PRAG1: variants seen among roughly 807,000 people sequenced by gnomAD.
PRAG1 encodes the protein inactive tyrosine-protein kinase PRAG1.
A neutral mutation model predicts 95.6 loss-of-function variants in PRAG1; 110 were observed. The observed-to-expected ratio is 1.15, with a 90% CI of 0.99 to 1.35. PRAG1 has a LOEUF of 1.35. Ranked by LOEUF, PRAG1 falls within the 40% of genes most tolerant of loss-of-function variation. The probability of loss-of-function intolerance (pLI) is 0.00; values close to 1 mark genes in which losing one functional copy is unlikely to be tolerated. For missense variants in PRAG1, 2,554 were observed against 1,864.7 expected, an observed-to-expected ratio of 1.37 and a Z score of -6.81; for synonymous variants, 1,052 against 819.4, an observed-to-expected ratio of 1.28 and a Z score of -4.85.
Position 8,328,109 on chromosome 8 carries a change from G to T in PRAG1, c.2673C>A (p.His891Gln), listed in dbSNP as rs771973266. 3.1e-6 allele frequency: 5 copies of T among 1,612,880 alleles called. No homozygotes were observed. The South Asian group carries it at 5.5e-5, about 18-fold the overall frequency. Residue 891 changes from histidine (H) to glutamine (Q), a missense_variant, in exon 5 of 6, where the codon CAC becomes CAA. Coordinates refer to ENST00000615670, the MANE Select transcript of PRAG1 (RefSeq NM_001080826.3). ...PLEKAFKGSG[H>Q]WLPAAGLAGN... The stretch of plus-strand genomic sequence containing the variant: ...CCGCCAGCCCTGCTGCCGGAAGCCA[G>T]TGGCCACTGCCTTTGAAAGCTTTCT...
At chr8:8,351,607 C>T (rs776108918) in intron 3 of PRAG1, among the ~76,000 whole-genome samples, 5 of 152,126 alleles carry the variant, frequency 3.3e-5, no homozygotes, top group African/African-American at 1.2e-4. Flanking sequence ...TGTCCATTGA[C>T]CAGACCTCAT....
intron 3 of PRAG1, among the ~76,000 whole-genome samples, chr8:8,367,458 CAAAAAAAAAAAAAAAAAAAAAAAAAAAAA>C (rs1158165514): frequency 1.1e-4 from 3 of 26,218 alleles, no homozygotes; most frequent in South Asian, 2.4e-3. Flanking sequence ...GACTCCATCT[CAAAAAAAAAAAAAAAAAAAAAAAAAAAAA>C]AAAAAAAAAA....
At chr8:8,380,628 G>C (rs1221667483) in intron 2 of PRAG1, among the ~76,000 whole-genome samples, 1 of 151,924 alleles carries the variant, frequency 6.6e-6, no homozygotes, top group African/African-American at 2.4e-5. Context: ...GGCCGAGGTG[G>C]GCAGATCACA....
At chr8:8,349,930 TACACACAC>T (rs67536846) in intron 3 of PRAG1, among the ~76,000 whole-genome samples, 16 of 144,874 alleles carry the variant, frequency 1.1e-4, no homozygotes, top group South Asian at 8.9e-4. Context: ...GATAGGAAAA[TACACACAC>T]ACACACACAC....
chr8:8,336,156 G>A (rs1015504123), intron 4 of PRAG1, among the ~76,000 whole-genome samples: 4 of 152,186 alleles, frequency 2.6e-5, no homozygotes, highest in Admixed American at 6.5e-5. Context: ...AATGGTTTCA[G>A]TTCAACAGAG....
chr8:8,332,768 G>C (rs1284512148), intron 4 of PRAG1, among the ~76,000 whole-genome samples: 1 of 150,436 alleles, frequency 6.6e-6, no homozygotes, highest in East Asian at 1.9e-4. Context: ...CATGGCAAAT[G>C]GTAGCTGTCT....
chr8:8,370,699 T>C (rs1319405090), intron 3 of PRAG1, among the ~76,000 whole-genome samples: 1 of 152,152 alleles, frequency 6.6e-6, no homozygotes, highest in Non-Finnish European at 1.5e-5. Flanking sequence ...ATCCTCCCGG[T>C]TCATGCCCAG....
intron 5 of PRAG1, 149 bp from the exon 6 acceptor site, chr8:8,319,451 A>C: frequency 2.0e-6 from 1 of 511,184 alleles, no homozygotes; most frequent in Non-Finnish European, 3.1e-6. Context: ...AGAAGAAAAC[A>C]TGGGACAGAA....
In PRAG1 at chr8:8,363,740, A is replaced by G. The variant is rs543783659; in HGVS notation, c.2162+12507T>C. On this transcript the variant is annotated intron_variant, in intron 3 of 5. Transcript: ENST00000615670. The stretch of plus-strand genomic sequence containing the variant: ...TAACATATATACATATTTTATGTGT[A>G]TGTCTATTTTTTAAAAACTACATAA... Among the ~76,000 whole-genome samples, 63 of 152,342 alleles carry G rather than the reference A, an allele frequency of 4.1e-4. No homozygotes were observed. In the Middle Eastern group the frequency reaches 0.014, roughly 33 times the overall value.
rs1310222707 is a variant in PRAG1, at chr8:8,376,689, T to C, written c.1720A>G (p.Ser574Gly). 2 of 1,611,788 alleles carry C rather than the reference T, an allele frequency of 1.2e-6. No individual in the cohort carries two copies. Among genetic ancestry groups the C allele is most frequent in the Non-Finnish European group, 1.7e-6 (2 of 1,179,908 alleles). The change falls in exon 3 of 6, where the codon AGT becomes GGT. Residue 574 changes from serine to glycine, a missense_variant. Ser to Gly is a moderately conservative substitution (Grantham distance 56, BLOSUM62 0). Transcript: ENST00000615670. ...GPPVSPLADLSDGSSGGSSIG... is the reference protein window; with the variant it reads ...GPPVSPLADLGDGSSGGSSIG... ...CTGCTGCCGCCAGAGCTCCCATCAC[T>C]AAGGTCAGCCAGCGGTGACACTGGG...
intron 4 of PRAG1, among the ~76,000 whole-genome samples, chr8:8,328,781 C>T (rs1798730875): frequency 1.3e-5 from 2 of 150,458 alleles, no homozygotes; most frequent in South Asian, 2.1e-4. Context: ...CGTGCGCACA[C>T]ACACACACAC....
chr8:8,385,387 A>G (rs1214809688), intron 1 of PRAG1, among the ~76,000 whole-genome samples: 1 of 152,152 alleles, frequency 6.6e-6, no homozygotes, highest in African/African-American at 2.4e-5. Context: ...AGAAAATCTC[A>G]GAGGGAGGAA....
At chr8:8,368,697 C>T (rs1298179260) in intron 3 of PRAG1, among the ~76,000 whole-genome samples, 10 of 152,114 alleles carry the variant, frequency 6.6e-5, no homozygotes, top group Non-Finnish European at 1.5e-5. Context: ...GGAACAAAGT[C>T]CCTCTGACGA....
Position 8,376,475 on chromosome 8 carries a change from ACCT to A in PRAG1, c.1931_1933del (p.Glu644del). 8.1e-6 allele frequency: 13 copies of A among 1,613,060 alleles called. No homozygotes were observed. The highest frequency in any genetic ancestry group is 1.1e-5 in the Non-Finnish European group (13 of 1,179,638). On this transcript the variant is annotated inframe_deletion, in exon 3 of 6. Transcript: ENST00000615670. ...GCTGTGACTCAGCAATTCCTGCTCCACCTCCTCTTCTTCCTCTATCCGGCACTG... is the reference window on the plus strand; with the variant it reads ...GCTGTGACTCAGCAATTCCTGCTCCACCTCTTCTTCCTCTATCCGGCACTG...
At position 8,318,196 on chromosome 8, in the gene PRAG1, G is replaced by A. The variant is rs773408888; in HGVS notation, c.4179C>T (p.Pro1393=). ...GCTTCAGCGACTGTAAGAGGGCCCC[G>A]GGCTCCGCAGACGCCAGGTACTGGC... The part of the protein sequence containing the change: ...LCCQYLASAE[P]GALLQSLKLL... Residue 1393 remains proline, a synonymous_variant, in exon 6 of 6, where the codon CCC becomes CCT. Coordinates refer to ENST00000615670, the MANE Select transcript of PRAG1 (RefSeq NM_001080826.3). The surrounding 1 kb of genome is among the most constrained non-coding windows in gnomAD (Gnocchi z 4.2). 10 of 1,614,018 alleles carry A rather than the reference G, an allele frequency of 6.2e-6. No homozygotes were observed. Among genetic ancestry groups the A allele is most frequent in the African/African-American group, 2.7e-5 (2 of 75,050 alleles).
rs374751432 is a variant in PRAG1 at position 8,319,133 on chromosome 8, G to C, written c.3242C>G (p.Pro1081Arg). 4 of 1,603,470 alleles carry C rather than the reference G, an allele frequency of 2.5e-6. No individual in the cohort carries two copies. Among genetic ancestry groups the C allele is most frequent in the Non-Finnish European group, 3.4e-6 (4 of 1,175,586 alleles). Residue 1081 changes from proline to arginine, a missense_variant, in exon 6 of 6, where the codon CCT (proline) becomes CGT (arginine). By Grantham distance (103) the Pro-to-Arg change is moderately radical. Transcript: ENST00000615670. ...DPVPALPTHP[P>R]AQEQDCVVVI... Reference sequence around the variant, plus strand: ...CACCACGCAGTCCTGCTCCTGGGCAGGGGGGTGTGTGGGCAGGGCAGGCAC... The same window carrying C: ...CACCACGCAGTCCTGCTCCTGGGCACGGGGGTGTGTGGGCAGGGCAGGCAC...
intron 1 of PRAG1, among the ~76,000 whole-genome samples, chr8:8,383,702 T>G (rs1238176258): frequency 6.6e-6 from 1 of 152,210 alleles, no homozygotes; most frequent in Non-Finnish European, 1.5e-5. Flanking sequence ...TCCTTTTCTT[T>G]AAGAAGACTG....
At chr8:8,338,392 A>T (rs1042666688) in intron 4 of PRAG1, among the ~76,000 whole-genome samples, 1 of 152,220 alleles carries the variant, frequency 6.6e-6, no homozygotes, top group Admixed American at 6.5e-5. Flanking sequence ...AATCTCCAAG[A>T]GAGTGGATCA....
chr8:8,362,871 AT>A (rs1197100841), intron 3 of PRAG1, among the ~76,000 whole-genome samples: 5 of 152,132 alleles, frequency 3.3e-5, no homozygotes, highest in African/African-American at 9.7e-5. Flanking sequence ...ACTTTCCTAA[AT>A]AGGTAAAGAC....
Sources: allele counts gnomAD v4.1 joint callset (sites outside exome capture counted in the v4.1 genomes callset), GRCh38; gene constraint gnomAD v4.1.1; non-coding constraint Gnocchi (gnomAD v3.1); transcripts MANE v1.5; gene names NCBI Gene and HGNC (gene_info 2026-07-23, HGNC 2026-07-21).